Variants in PRR14L observed in about 807,000 individuals in gnomAD.
The protein encoded by PRR14L is proline rich 14 like, also known as protein PRR14L.
In PRR14L, 80 loss-of-function variants were observed where a neutral mutation model predicts 155.0. The ratio of observed to expected loss-of-function variants is 0.52; its 90% CI spans 0.43 to 0.62. PRR14L has a LOEUF of 0.62. PRR14L is among the 20% of genes least tolerant of loss of function. The pLI is 0.00. For missense variants in PRR14L, 2,469 were observed against 2,548.0 expected, an observed-to-expected ratio of 0.97 and a Z score of 0.67; for synonymous variants, 883 against 916.0, an observed-to-expected ratio of 0.96 and a Z score of 0.65.
intron 2 of PRR14L, among the ~76,000 whole-genome samples, chr22:31,737,849 C>A (rs761776342): frequency 6.6e-6 from 1 of 151,882 alleles, no homozygotes; most frequent in Non-Finnish European, 1.5e-5. Context: ...CCCGTCTCTA[C>A]TAAAAACACA....
chr22:31,698,985 A>T (rs1393220210), intron 7 of PRR14L, among the ~76,000 whole-genome samples: 1 of 152,140 alleles, frequency 6.6e-6, no homozygotes, highest in East Asian at 1.9e-4. Flanking sequence ...AAGCAGTATC[A>T]TGCTTTCTAC....
rs895648816 is a variant in PRR14L, at chr22:31,738,386, C to T, written c.474+1G>A. ...TTCGGAATGGAGATTTCATTTCTTA[C>T]CTGACTCGGGCTAGTCTTTTCTTCA... On this transcript the variant is annotated splice_donor_variant, in intron 2 of 8. Coordinates refer to ENST00000327423, the MANE Select transcript of PRR14L (RefSeq NM_173566.3). LOFTEE classifies it high-confidence loss of function. 1.9e-6 allele frequency: 3 copies of T among 1,550,246 alleles called. No homozygotes were observed. The highest frequency in any genetic ancestry group is 2.6e-6 in the Non-Finnish European group (3 of 1,145,774).
intron 1 of PRR14L, among the ~76,000 whole-genome samples, chr22:31,744,044 G>A (rs2074825598): frequency 6.6e-6 from 1 of 150,536 alleles, no homozygotes; most frequent in East Asian, 1.9e-4. Flanking sequence ...AAAAGACAGG[G>A]TCTTGCTGTG....
At chr22:31,717,737 A>C (rs2074667994) in intron 3 of PRR14L, among the ~76,000 whole-genome samples, 1 of 152,126 alleles carries the variant, frequency 6.6e-6, no homozygotes, top group Non-Finnish European at 1.5e-5. Context: ...AAAAACAACT[A>C]TACCTAAAAC....
intron 2 of PRR14L, 64 bp downstream of exon 2, chr22:31,738,323 T>C (rs2074793764): frequency 7.8e-7 from 1 of 1,282,394 alleles, no homozygotes; most frequent in African/African-American, 1.5e-5. Context: ...TCAGCATCTG[T>C]ATTTTATCCA....
chr22:31,725,721 T>C lies in PRR14L; in HGVS notation c.475-111A>G, dbSNP rs1247843116. 2.3e-5 allele frequency: 16 copies of C among 696,778 alleles called. No individual in the cohort carries two copies. The Admixed American group carries it at 3.7e-4, about 16-fold the overall frequency. The allele number at this position is 696,778 out of a possible 1,614,324, so 43.2% of individuals were successfully genotyped here. ...GAGTCTTGCTGTTCCCAGACTGAAGTGCAATGGTTAGATCGTGGCTCACTG... is the reference window on the plus strand; with the variant it reads ...GAGTCTTGCTGTTCCCAGACTGAAGCGCAATGGTTAGATCGTGGCTCACTG... On this transcript the variant is annotated intron_variant, in intron 2 of 8. Transcript: ENST00000327423.
chr22:31,701,811 A>G (rs372014337), intron 6 of PRR14L, 49 bp from the exon 7 acceptor site: 193 of 1,450,784 alleles, frequency 1.3e-4, no homozygotes, highest in Admixed American at 2.2e-4. Flanking sequence ...AAGACATTTT[A>G]TTTATATATT....
Position 31,713,850 on chromosome 22 carries a change from T to C in PRR14L, c.3989A>G (p.Asp1330Gly), listed in dbSNP as rs368679998. 12 of 1,552,218 alleles carry C rather than the reference T, an allele frequency of 7.7e-6. No homozygotes were observed. Among genetic ancestry groups the C allele is most frequent in the African/African-American group, 2.7e-5 (2 of 73,044 alleles). Residue 1330 changes from aspartate (D) to glycine (G), a missense_variant, in exon 4 of 9, where the codon GAT (aspartate) becomes GGT (glycine). By Grantham distance (94) the Asp-to-Gly change is moderately conservative. Transcript: ENST00000327423. ...GGTTTCTTCTCCTTTCACTTTAATA[T>C]CTGTTTTCACTGTCAAAGGCAAATG... ...DRHLPLTVKT[D>G]IKVKGEETEE...
intron 3 of PRR14L, among the ~76,000 whole-genome samples, chr22:31,723,008 T>C (rs921447068): frequency 1.3e-5 from 2 of 152,064 alleles, no homozygotes; most frequent in Admixed American, 6.6e-5. Flanking sequence ...CACAGGCCTG[T>C]CTCCACAGAA....
rs1343487917 is a variant in PRR14L, at chr22:31,716,142, A to G, written c.1697T>C (p.Leu566Pro). The part of the protein sequence containing the change: ...QLNEASCNDF[L>P]FERKSIVSLM... ...ACTCACAATGGATTTTCTTTCAAAC[A>G]GAAAATCATTACATGATGCTTCATT... Residue 566 changes from leucine (L) to proline (P), a missense_variant, in exon 4 of 9, where the codon CTG becomes CCG. This residue lies in a region of PRR14L where 2,363 missense variants were observed against 2,371.6 expected (regional missense o/e 1.00). Transcript: ENST00000327423. 7.7e-6 allele frequency: 12 copies of G among 1,551,396 alleles called. No individual in the cohort carries two copies. In the African/African-American group the frequency reaches 1.4e-4, roughly 18 times the overall value.
chr22:31,739,063 T>C (rs1229335829), intron 1 of PRR14L, among the ~76,000 whole-genome samples, 152 bp from the exon 2 acceptor site: 1 of 152,206 alleles, frequency 6.6e-6, no homozygotes, highest in African/African-American at 2.4e-5. Context: ...AATGAATTTG[T>C]AGAAAAATAA....
chr22:31,738,825 T>C lies in PRR14L; in HGVS notation c.36A>G (p.Pro12=), dbSNP rs1253525611. ...LSSGVETQPV[P]LDSSMSAVVQ... Reference sequence around the variant, plus strand: ...CCACGGCAGACATGGAGGAATCAAGTGGAACTGGCTGAGTCTCTACTCCAG... The same window carrying C: ...CCACGGCAGACATGGAGGAATCAAGCGGAACTGGCTGAGTCTCTACTCCAG... Residue 12 remains proline, a synonymous_variant, in exon 2 of 9, where the codon CCA becomes CCG. Transcript: ENST00000327423. 1 of 1,546,306 alleles carries C rather than the reference T, an allele frequency of 6.5e-7. No individual in the cohort carries two copies. Among genetic ancestry groups the C allele is most frequent in the Admixed American group, 2.0e-5 (1 of 50,982 alleles).
In PRR14L at chr22:31,715,184, A is replaced by ATTCCATT. The variant is rs1483387206; in HGVS notation, c.2654_2655insAATGGAA (p.Ser886MetfsTer12). The ATTCCATT allele has an allele frequency of 6.4e-7, 1 of 1,552,100 alleles. No homozygotes were observed. The highest frequency in any genetic ancestry group is 1.2e-5 in the South Asian group (1 of 84,060). ...TGGAGGTGTGAATGGTTTTGTTTGA[A>ATTCCATT]ATTCCACTATTTAACAAGCCTGCTA... On this transcript the variant is annotated frameshift_variant, in exon 4 of 9. Transcript: ENST00000327423. LOFTEE classifies it high-confidence loss of function.
chr22:31,742,775 T>C (rs559648013), intron 1 of PRR14L, among the ~76,000 whole-genome samples: 17 of 152,188 alleles, frequency 1.1e-4, no homozygotes, highest in Non-Finnish European at 2.2e-4. Flanking sequence ...CAAATGTCTT[T>C]AGCAGCACTA....
chr22:31,746,853 G>A lies in PRR14L; in HGVS notation c.-52+3140C>T, dbSNP rs1601521572. On this transcript the variant is annotated intron_variant, in intron 1 of 8. Coordinates refer to ENST00000327423, the MANE Select transcript of PRR14L (RefSeq NM_173566.3). ...ACTCTGTTGCTCAGGCTGGAGCGCAGTGGCGCGATCTTGGCTCACTGCAAG... is the reference window on the plus strand; with the variant it reads ...ACTCTGTTGCTCAGGCTGGAGCGCAATGGCGCGATCTTGGCTCACTGCAAG... Among the ~76,000 whole-genome samples the A allele has an allele frequency of 2.0e-5, 3 of 148,186 alleles. No homozygotes were observed. In the South Asian group the frequency reaches 6.4e-4, roughly 31 times the overall value.
rs1022898274 is a variant in PRR14L at position 31,738,865 on chromosome 22, A to T, written c.-5T>A. The T allele has an allele frequency of 1.3e-6, 2 of 1,511,660 alleles. No homozygotes were observed. The highest frequency in any genetic ancestry group is 1.8e-6 in the Non-Finnish European group (2 of 1,123,932). 93.6% of individuals were successfully genotyped at this position (1,511,660 alleles called of 1,614,324 possible). On this transcript the variant is annotated 5_prime_UTR_variant, in exon 2 of 9. Transcript: ENST00000327423. ...CTCTACTCCAGATGACAGCATTAGG[A>T]CAGATGCAGATTATGGAGTCAAGTC... is the stretch of plus-strand genomic sequence containing the variant.
chr22:31,692,767 A>C (rs2074517622), intron 7 of PRR14L, among the ~76,000 whole-genome samples: 1 of 152,030 alleles, frequency 6.6e-6, no homozygotes, highest in Non-Finnish European at 1.5e-5. Context: ...CAGTGTCCTA[A>C]ATAGTTGAGA....
chr22:31,745,272 G>A (rs1238115180), intron 1 of PRR14L, among the ~76,000 whole-genome samples: 1 of 152,240 alleles, frequency 6.6e-6, no homozygotes, highest in Non-Finnish European at 1.5e-5. Flanking sequence ...AGCTACTCGG[G>A]AGGCTGAGGC....
chr22:31,705,521 G>A (rs975160636), intron 4 of PRR14L, among the ~76,000 whole-genome samples: 2 of 151,936 alleles, frequency 1.3e-5, no homozygotes, highest in African/African-American at 4.8e-5. Context: ...CTATAGGCGC[G>A]TGCCATCATG....
Sources: allele counts gnomAD v4.1 joint callset (sites outside exome capture counted in the v4.1 genomes callset), GRCh38; gene constraint gnomAD v4.1.1; regional missense constraint gnomAD v4.1.1; transcripts MANE v1.5; gene names NCBI Gene and HGNC (gene_info 2026-07-23, HGNC 2026-07-21).